The following FAP variants were observed in gnomAD, a reference collection of about 807,000 sequenced individuals.
FAP encodes prolyl endopeptidase FAP.
FAP carries 110 observed loss-of-function variants against 126.5 expected under a neutral mutation model. The observed-to-expected ratio is 0.87, with a 90% CI of 0.74 to 1.02. FAP has a LOEUF of 1.02. Ranked by LOEUF, FAP falls within the 50% of genes least tolerant of loss-of-function variation. FAP has a pLI of 0.00. For missense variants in FAP, 919 were observed against 909.2 expected (o/e 1.01, Z -0.14); for synonymous variants, 334 against 297.3 (o/e 1.12, Z -1.27).
chr2:162,221,023 A>C (rs1689366386), intron 6 of FAP, among the ~76,000 whole-genome samples: 1 of 152,104 alleles, frequency 6.6e-6, no homozygotes, highest in African/African-American at 2.4e-5. Context: ...GGCAATTGTG[A>C]AGATCTGTAA....
chr2:162,201,287 T>C (rs1385229351), intron 14 of FAP, among the ~76,000 whole-genome samples: 1 of 152,212 alleles, frequency 6.6e-6, no homozygotes, highest in East Asian at 1.9e-4. Context: ...CGAAGTTTGG[T>C]TGAATTCTTA....
chr2:162,243,211 A>G (rs1690423639), intron 1 of FAP, 111 bp downstream of exon 1: 1 of 908,074 alleles, frequency 1.1e-6, no homozygotes, highest in East Asian at 2.4e-5. Flanking sequence ...CCCATTGAGG[A>G]AGTAAATACT....
intron 8 of FAP, among the ~76,000 whole-genome samples, chr2:162,218,455 A>G (rs1416700146): frequency 5.3e-5 from 8 of 152,044 alleles, no homozygotes; most frequent in Admixed American, 5.2e-4. Context: ...TTAGTCACCT[A>G]AGATAGCCAA....
chr2:162,240,247 A>T (rs77453374), intron 2 of FAP, among the ~76,000 whole-genome samples: 36 of 152,242 alleles, frequency 2.4e-4, no homozygotes, highest in Non-Finnish European at 5.1e-4. Flanking sequence ...ACAAGTTTCG[A>T]AAAAAGTTTT....
chr2:162,197,736 T>C, intron 16 of FAP: 1 of 437,722 alleles, frequency 2.3e-6, no homozygotes, highest in South Asian at 1.6e-5. Context: ...TCAGGGCCTC[T>C]GCAACTGAAT....
intron 25 of FAP, chr2:162,171,791 T>C (rs2106208941): frequency 6.7e-6 from 1 of 150,022 alleles, no homozygotes; most frequent in Non-Finnish European, 1.5e-5. Flanking sequence ...AAAAATTTGA[T>C]ATATAATAGT....
chr2:162,234,816 C>T (rs117027526), intron 2 of FAP, among the ~76,000 whole-genome samples: 204 of 152,158 alleles, frequency 1.3e-3, no homozygotes, highest in African/African-American at 4.2e-3. Flanking sequence ...CTGGGCTGGC[C>T]GAGGCTGGAG....
At chr2:162,213,392 C>CA (rs1386245442) in intron 11 of FAP, among the ~76,000 whole-genome samples, 28 of 142,416 alleles carry the variant, frequency 2.0e-4, no homozygotes, top group Admixed American at 1.2e-3. Flanking sequence ...AAACAAAAAA[C>CA]AAAAAAACAA....
At chr2:162,194,344 A>C (rs1260753711) in intron 17 of FAP, among the ~76,000 whole-genome samples, 3 of 151,892 alleles carry the variant, frequency 2.0e-5, no homozygotes, top group African/African-American at 7.3e-5. Context: ...AAAAAAAAAA[A>C]AAACACCCTA....
chr2:162,195,861 AC>A (rs910836455), intron 16 of FAP, among the ~76,000 whole-genome samples: 12 of 150,406 alleles, frequency 8.0e-5, no homozygotes, highest in South Asian at 2.1e-4. Flanking sequence ...TTGCCACCCC[AC>A]CCCCCCCAGA....
At chr2:162,231,144 A>G (rs929112875) in intron 2 of FAP, among the ~76,000 whole-genome samples, 18 of 152,310 alleles carry the variant, frequency 1.2e-4, no homozygotes, top group African/African-American at 4.3e-4. Context: ...ATTCTACCCC[A>G]GACTAGACTT....
chr2:162,184,003 A>G (rs1687779907), intron 20 of FAP, among the ~76,000 whole-genome samples: 1 of 152,170 alleles, frequency 6.6e-6, no homozygotes, highest in African/African-American at 2.4e-5. Flanking sequence ...TATGGAAATA[A>G]TTCCTTTTTA....
Position 162,209,957 on chromosome 2 carries a change from C to T in FAP, c.1042G>A (p.Gly348Ser), listed in dbSNP as rs1468308922. The T allele has an allele frequency of 1.2e-6, 2 of 1,612,574 alleles. No homozygotes were observed. Among genetic ancestry groups the T allele is most frequent in the Admixed American group, 1.7e-5 (1 of 59,988 alleles). The stretch of plus-strand genomic sequence containing the variant: ...AAAAGATAGCAAAATCATACTCCAC[C>T]AGCCCATCCAGTTCTGCTTTCTTCT... ...HIEESRTGWA[G>S]GFFVSTPVFS... The change falls in exon 12 of 26, where the codon GGT becomes AGT. Residue 348 changes from glycine (G) to serine (S), a missense_variant. Coordinates refer to ENST00000188790, the MANE Select transcript of FAP (RefSeq NM_004460.5).
intron 6 of FAP, among the ~76,000 whole-genome samples, chr2:162,223,316 A>G (rs1689493589): frequency 6.6e-6 from 1 of 152,056 alleles, no homozygotes; most frequent in African/African-American, 2.4e-5. Context: ...GCTTTCCTAT[A>G]TATGTTTTTT....
chr2:162,229,056 A>C (rs1482544058), intron 2 of FAP, among the ~76,000 whole-genome samples: 1 of 152,170 alleles, frequency 6.6e-6, no homozygotes, highest in Non-Finnish European at 1.5e-5. Context: ...CAATAAATGA[A>C]TATAACCTTA....
intron 15 of FAP, 110 bp from the exon 16 acceptor site, chr2:162,198,991 A>G: frequency 2.3e-6 from 2 of 879,538 alleles, no homozygotes; most frequent in Non-Finnish European, 3.5e-6. Context: ...AACCCACTCT[A>G]TTTTTCTGTT....
At chr2:162,205,915 TA>T (rs1184772819) in intron 12 of FAP, among the ~76,000 whole-genome samples, 2 of 152,140 alleles carry the variant, frequency 1.3e-5, no homozygotes, top group Non-Finnish European at 2.9e-5. Flanking sequence ...GGTACCACAG[TA>T]AAAAGAAAAA....
chr2:162,179,871 C>A (rs1289185814), intron 21 of FAP, among the ~76,000 whole-genome samples: 1 of 147,416 alleles, frequency 6.8e-6, no homozygotes, highest in Non-Finnish European at 1.5e-5. Context: ...TACAATGGTG[C>A]AATCTCAGCT....
intron 12 of FAP, among the ~76,000 whole-genome samples, chr2:162,204,991 C>A (rs1221403140): frequency 6.6e-6 from 1 of 152,112 alleles, no homozygotes; most frequent in East Asian, 1.9e-4. Context: ...ACACCACATC[C>A]AAATAAGGTA....
Sources: allele counts gnomAD v4.1 joint callset (sites outside exome capture counted in the v4.1 genomes callset), GRCh38; gene constraint gnomAD v4.1.1; transcripts MANE v1.5; gene names NCBI Gene and HGNC (gene_info 2026-07-23, HGNC 2026-07-21).